The following KANK1 variants were observed in gnomAD, a reference collection of about 807,000 sequenced individuals.
KANK1 encodes KN motif and ankyrin repeat domains 1, also known as KN motif and ankyrin repeat domain-containing protein 1.
In KANK1, 109 loss-of-function variants were observed where a neutral mutation model predicts 106.2. The observed-to-expected ratio is 1.03, with a 90% confidence interval of 0.88 to 1.20. KANK1 has a LOEUF of 1.20. Among genes scored for constraint, KANK1 ranks in the 50% most tolerant of loss-of-function variants. The pLI, the probability that KANK1 is intolerant of heterozygous loss-of-function variation, is 0.00. For synonymous variants in KANK1, 873 were observed against 652.2 expected (o/e 1.34, Z -5.16); for missense variants, 2,399 against 1,710.7 (o/e 1.40, Z -7.10).
chr9:734,980 T>C (rs1833380560), intron 7 of KANK1, 145 bp downstream of exon 7: 1 of 640,380 alleles, frequency 1.6e-6, no homozygotes. Context: ...TGGGTAAACA[T>C]CATGTGGTCT....
At chr9:660,122 A>C in intron 1 of KANK1, 1 of 431,848 alleles carries the variant, frequency 2.3e-6, no homozygotes, top group South Asian at 2.0e-5. Flanking sequence ...GACCCTTACT[A>C]CTGTCCAAGG....
At chr9:569,668 A>G (rs1216187646) in intron 1 of KANK1, among the ~76,000 whole-genome samples, 1 of 152,210 alleles carries the variant, frequency 6.6e-6, no homozygotes, top group Non-Finnish European at 1.5e-5. Flanking sequence ...GACAATACGT[A>G]TATTCTAATT....
chr9:566,181 C>A (rs912763965), intron 1 of KANK1, among the ~76,000 whole-genome samples: 2 of 152,182 alleles, frequency 1.3e-5, no homozygotes, highest in African/African-American at 4.8e-5. Flanking sequence ...ATGCAAAGGA[C>A]ATGATCTTAT....
chr9:732,780 C>A (rs1480093416), intron 6 of KANK1, 163 bp downstream of exon 6: 4 of 683,742 alleles, frequency 5.9e-6, no homozygotes, highest in Non-Finnish European at 9.6e-6. Context: ...CAGAGTATTA[C>A]AACTCTTAGA....
chr9:730,122 C>T lies in KANK1; in HGVS notation c.2770C>T (p.Gln924Ter). Reference protein sequence around the residue: ...SGSPLSSQTSQPEQEVGTSEG... With the variant: ...SGSPLSSQTS ...AAGTCCCTTAAGCTCCCAGACATCC[C>T]AGCCTGAGCAAGAAGTGGGGACCTC... The change falls in exon 4 of 12, where the codon CAG (glutamine) becomes TAG (stop). Residue 924 changes from glutamine (Q) to a stop codon, truncating the protein, a stop_gained. Transcript: ENST00000382297. LOFTEE classifies it high-confidence loss of function. 1 of 1,614,156 alleles carries T rather than the reference C, an allele frequency of 6.2e-7. No homozygotes were observed. The highest frequency in any genetic ancestry group is 8.5e-7 in the Non-Finnish European group (1 of 1,180,020).
chr9:655,107 C>T (rs916072171), intron 1 of KANK1, among the ~76,000 whole-genome samples: 2 of 152,100 alleles, frequency 1.3e-5, no homozygotes, highest in African/African-American at 2.4e-5. Context: ...TGGTAGCTCA[C>T]GCCTGTAACC....
intron 1 of KANK1, among the ~76,000 whole-genome samples, chr9:509,201 A>G (rs2058918988): frequency 6.6e-6 from 1 of 152,034 alleles, no homozygotes; most frequent in East Asian, 1.9e-4. Context: ...GAGTTCAAGC[A>G]ATTCTCCTGC....
intron 3 of KANK1, among the ~76,000 whole-genome samples, chr9:488,635 A>T (rs895260361): frequency 3.3e-5 from 5 of 152,196 alleles, no homozygotes; most frequent in African/African-American, 1.2e-4. Flanking sequence ...TGAATCAGTC[A>T]ATGTAATCAA....
intron 1 of KANK1, among the ~76,000 whole-genome samples, chr9:562,347 C>T (rs897683757): frequency 6.6e-6 from 1 of 152,176 alleles, no homozygotes; most frequent in African/African-American, 2.4e-5. Context: ...CCACCGCGCC[C>T]GGCCCAAGTA....
At chr9:742,501 C>A in intron 10 of KANK1, 96 bp downstream of exon 10, 1 of 848,240 alleles carries the variant, frequency 1.2e-6, no homozygotes, top group Non-Finnish European at 1.8e-6. Flanking sequence ...CCAAATCCTC[C>A]TCTATTCTCC....
chr9:526,566 C>A (rs547635144), intron 1 of KANK1, among the ~76,000 whole-genome samples: 1 of 151,762 alleles, frequency 6.6e-6, no homozygotes, highest in East Asian at 1.9e-4. Context: ...ATAAAAATTA[C>A]AAAAAATTAT....
intron 1 of KANK1, among the ~76,000 whole-genome samples, chr9:526,764 G>C (rs1201878894): frequency 6.6e-6 from 1 of 151,508 alleles, no homozygotes; most frequent in Admixed American, 6.6e-5. Context: ...ATATTTGACT[G>C]CTTTAGATCT....
chr9:643,437 A>C (rs1838925013), intron 1 of KANK1, among the ~76,000 whole-genome samples: 2 of 150,326 alleles, frequency 1.3e-5, no homozygotes, highest in South Asian at 4.2e-4. Context: ...TTTAATACCT[A>C]CCCAAAATTT....
chr9:471,911 C>T (rs544603230), intron 2 of KANK1, among the ~76,000 whole-genome samples: 1 of 152,230 alleles, frequency 6.6e-6, no homozygotes, highest in African/African-American at 2.4e-5. Context: ...AGCCGGTCAC[C>T]AGGGACTGCG....
intron 1 of KANK1, among the ~76,000 whole-genome samples, chr9:604,308 C>G (rs1268900088): frequency 6.6e-6 from 1 of 151,690 alleles, no homozygotes; most frequent in Admixed American, 6.6e-5. Context: ...CTACCCAAAT[C>G]TCATCTCAAA....
intron 7 of KANK1, among the ~76,000 whole-genome samples, chr9:737,162 AGAC>A: frequency 6.6e-6 from 1 of 152,204 alleles, no homozygotes. Flanking sequence ...AATGACCAGA[AGAC>A]ATAATTTCCC....
At chr9:555,770 T>TA (rs749117990) in intron 1 of KANK1, among the ~76,000 whole-genome samples, 1 of 152,222 alleles carries the variant, frequency 6.6e-6, no homozygotes, top group African/African-American at 2.4e-5. Context: ...TCCTAGTACA[T>TA]ACGTGTTTTT....
At chr9:534,941 G>A (rs940897629) in intron 1 of KANK1, among the ~76,000 whole-genome samples, 8 of 152,192 alleles carry the variant, frequency 5.3e-5, no homozygotes, top group African/African-American at 1.4e-4. Context: ...TTGGGCCGAG[G>A]GGAAGCTGAG....
chr9:556,001 A>T lies in KANK1; in HGVS notation c.-84+51247A>T, dbSNP rs189626503. Among the ~76,000 whole-genome samples, 422 of 152,338 alleles carry T rather than the reference A, an allele frequency of 2.8e-3. 1 individual carries two copies. Among genetic ancestry groups the T allele is most frequent in the African/African-American group, 9.9e-3 (412 of 41,580 alleles). Reference sequence around the variant, plus strand: ...CATTTTCAGAGTTATACTTAAAATGACTTTTTAATCATACTATAAAATACT... The same window carrying T: ...CATTTTCAGAGTTATACTTAAAATGTCTTTTTAATCATACTATAAAATACT... On this transcript the variant is annotated intron_variant, in intron 1 of 11. Coordinates refer to ENST00000382297, the MANE Select transcript of KANK1 (RefSeq NM_015158.5).
Sources: gnomAD v4.1 joint callset for allele counts (sites outside exome capture counted in the v4.1 genomes callset) on GRCh38, gnomAD v4.1.1 for gene constraint, MANE v1.5 for transcripts, NCBI Gene and HGNC (gene_info 2026-07-23, HGNC 2026-07-21) for gene names.